BAALC: variants seen among roughly 807,000 people sequenced by gnomAD.
BAALC encodes the protein brain and acute leukemia cytoplasmic protein.
In BAALC, 9 loss-of-function variants were observed where a neutral mutation model predicts 15.5. That is an observed-to-expected ratio of 0.58 (90% CI 0.35 to 1.02). The LOEUF is 1.02. Ranked by LOEUF, BAALC falls within the 50% of genes least tolerant of loss-of-function variation. The pLI is 0.02. For synonymous variants in BAALC, 80 were observed against 74.6 expected, an observed-to-expected ratio of 1.07 and a Z score of -0.37; for missense variants, 201 against 192.4, an observed-to-expected ratio of 1.04 and a Z score of -0.27.
chr8:103,187,676 A>G (rs924029801), intron 1 of BAALC, among the ~76,000 whole-genome samples: 4 of 152,124 alleles, frequency 2.6e-5, no homozygotes, highest in African/African-American at 9.7e-5. Context: ...TGTGGACAGG[A>G]CACATGCTCC....
intron 1 of BAALC, among the ~76,000 whole-genome samples, chr8:103,177,796 C>T (rs1254718594): frequency 6.6e-6 from 1 of 152,150 alleles, no homozygotes; most frequent in Non-Finnish European, 1.5e-5. Flanking sequence ...TTGATGTGGA[C>T]ATTAAATAAA....
intron 1 of BAALC, among the ~76,000 whole-genome samples, chr8:103,143,785 A>C (rs1234768783): frequency 6.6e-6 from 1 of 152,148 alleles, no homozygotes; most frequent in African/African-American, 2.4e-5. Flanking sequence ...GGGACTTGTA[A>C]AAGTTTTCAG....
At chr8:103,183,249 G>A in intron 1 of BAALC, 2 of 668,898 alleles carry the variant, frequency 3.0e-6, no homozygotes, top group Admixed American at 2.1e-5. Flanking sequence ...AGATGGCCAA[G>A]AGTCCTTTGT....
chr8:103,149,438 C>T (rs546239830), intron 1 of BAALC, among the ~76,000 whole-genome samples: 2 of 152,288 alleles, frequency 1.3e-5, no homozygotes, highest in African/African-American at 4.8e-5. Context: ...TTTCTGGTTT[C>T]AAATGCAGTG....
intron 1 of BAALC, among the ~76,000 whole-genome samples, chr8:103,159,105 A>C (rs1811164804): frequency 6.6e-6 from 1 of 152,214 alleles, no homozygotes; most frequent in Admixed American, 6.5e-5. Context: ...AAACTGATAG[A>C]ACAATAGGCT....
chr8:103,213,220 C>A, intron 2 of BAALC, 135 bp downstream of exon 2: 4 of 1,029,648 alleles, frequency 3.9e-6, no homozygotes, highest in Non-Finnish European at 4.0e-6. Flanking sequence ...GTCTCTGCCC[C>A]ACCCATGTAA....
At chr8:103,163,742 G>T (rs1295155220) in intron 1 of BAALC, among the ~76,000 whole-genome samples, 1 of 152,150 alleles carries the variant, frequency 6.6e-6, no homozygotes, top group Non-Finnish European at 1.5e-5. Context: ...GCATCTTGGT[G>T]GCTAGGCAGT....
chr8:103,196,155 A>T (rs1812091399), intron 1 of BAALC, among the ~76,000 whole-genome samples: 1 of 152,230 alleles, frequency 6.6e-6, no homozygotes, highest in South Asian at 2.1e-4. Flanking sequence ...ATCAGGCCAG[A>T]AGAAGCAGGA....
intron 1 of BAALC, among the ~76,000 whole-genome samples, chr8:103,190,687 T>A (rs1376182152): frequency 6.6e-6 from 1 of 152,230 alleles, no homozygotes; most frequent in Non-Finnish European, 1.5e-5. Context: ...ACTCCGGGAC[T>A]AGACCACAAG....
chr8:103,156,657 CTG>C (rs1811098700), intron 1 of BAALC, among the ~76,000 whole-genome samples: 1 of 152,224 alleles, frequency 6.6e-6, no homozygotes, highest in South Asian at 2.1e-4. Context: ...AATTATCTCA[CTG>C]TGTCTCTCTG....
chr8:103,217,526 CTCAG>C (rs1466136494), intron 2 of BAALC, among the ~76,000 whole-genome samples: 1 of 152,170 alleles, frequency 6.6e-6, no homozygotes, highest in Non-Finnish European at 1.5e-5. Flanking sequence ...CAGTATCTGG[CTCAG>C]TCAGTATCCA....
intron 1 of BAALC, among the ~76,000 whole-genome samples, chr8:103,148,836 A>G (rs776371897): frequency 2.0e-5 from 3 of 152,176 alleles, no homozygotes; most frequent in Non-Finnish European, 2.9e-5. Flanking sequence ...AGAGAGACGG[A>G]TTTCCACTGT....
intron 1 of BAALC, among the ~76,000 whole-genome samples, chr8:103,180,076 C>T (rs1463366482): frequency 1.3e-5 from 2 of 152,152 alleles, no homozygotes; most frequent in Admixed American, 1.3e-4. Context: ...CAATGATAAG[C>T]AGGGGGAGTG....
At chr8:103,204,610 G>T (rs139541087) in intron 1 of BAALC, among the ~76,000 whole-genome samples, 223 of 152,136 alleles carry the variant, frequency 1.5e-3, no homozygotes, top group African/African-American at 5.1e-3. Flanking sequence ...TGTGAAGTAG[G>T]GGTGCACTTC....
At chr8:103,223,882 C>T (rs1233273331) in intron 2 of BAALC, among the ~76,000 whole-genome samples, 3 of 152,156 alleles carry the variant, frequency 2.0e-5, no homozygotes, top group Non-Finnish European at 4.4e-5. Flanking sequence ...GCCCTCTTAC[C>T]TCCCACCAAT....
At chr8:103,170,833 A>G (rs745533275) in intron 1 of BAALC, among the ~76,000 whole-genome samples, 17 of 152,200 alleles carry the variant, frequency 1.1e-4, no homozygotes, top group Non-Finnish European at 1.5e-4. Context: ...AACTTTCAGT[A>G]TTCTTAGAAA....
At chr8:103,227,944 G>A (rs1221363059) in intron 2 of BAALC, 45 bp from the exon 3 acceptor site, 2 of 1,391,424 alleles carry the variant, frequency 1.4e-6, no homozygotes, top group East Asian at 4.6e-5. Flanking sequence ...ATTTTCTTTG[G>A]TTTACATTTC....
chr8:103,218,278 A>G (rs1812606581), intron 2 of BAALC, among the ~76,000 whole-genome samples: 1 of 152,066 alleles, frequency 6.6e-6, no homozygotes, highest in African/African-American at 2.4e-5. Flanking sequence ...GATCTTTCAT[A>G]AATTGGAACT....
At chr8:103,144,531 G>A (rs1051040518) in intron 1 of BAALC, among the ~76,000 whole-genome samples, 1 of 152,076 alleles carries the variant, frequency 6.6e-6, no homozygotes, top group African/African-American at 2.4e-5. Context: ...CCTGGTGGGG[G>A]TCTCCAAGGA....
Sources: allele counts gnomAD v4.1 joint callset (sites outside exome capture counted in the v4.1 genomes callset), GRCh38; gene constraint gnomAD v4.1.1; transcripts MANE v1.5; gene names NCBI Gene and HGNC (gene_info 2026-07-23, HGNC 2026-07-21).